The following TFB1M variants were observed in gnomAD, a reference collection of about 807,000 sequenced individuals.
TFB1M encodes transcription factor B1, mitochondrial, also known as dimethyladenosine transferase 1, mitochondrial.
Under a neutral mutation model 31.1 loss-of-function variants are expected in TFB1M, and 27 were observed. That is an observed-to-expected ratio of 0.87 (90% CI 0.64 to 1.20). The LOEUF is 1.20. Ranked by LOEUF, TFB1M falls within the 50% of genes most tolerant of loss-of-function variation. The probability of loss-of-function intolerance (pLI) is 0.00; values close to 1 mark genes in which losing one functional copy is unlikely to be tolerated. For missense variants in TFB1M, 394 were observed against 418.7 expected, an observed-to-expected ratio of 0.94 and a Z score of 0.51; for synonymous variants, 166 against 151.8, an observed-to-expected ratio of 1.09 and a Z score of -0.69.
At chr6:155,237,257 T>G in the TFB1M span, among the ~76,000 whole-genome samples, 36 of 152,372 alleles carry the variant, frequency 2.4e-4, 1 homozygote, top group East Asian at 1.9e-3. Context: ...TTTGACTCCA[T>G]GTCTCACATC....
At chr6:155,281,821 T>TA (rs34485998) in intron 5 of TFB1M, among the ~76,000 whole-genome samples, 63,741 of 150,032 alleles carry the variant, frequency 0.42, 14,321 homozygotes, top group Middle Eastern at 0.54. Context: ...CCATAATTCA[T>TA]AAAAAAAAAG....
chr6:155,290,125 G>A (rs865879487), intron 4 of TFB1M, among the ~76,000 whole-genome samples: 3 of 152,274 alleles, frequency 2.0e-5, no homozygotes, highest in Middle Eastern at 3.4e-3. Flanking sequence ...GGTGGCTCAC[G>A]CCTGTAATCC....
intron 5 of TFB1M, among the ~76,000 whole-genome samples, chr6:155,281,126 C>A (rs968211738): frequency 6.6e-6 from 1 of 152,108 alleles, no homozygotes; most frequent in African/African-American, 2.4e-5. Context: ...TTGTTTATAT[C>A]ATAACAATAA....
At chr6:155,274,967 C>T (rs1412284078) in intron 5 of TFB1M, among the ~76,000 whole-genome samples, 1 of 152,104 alleles carries the variant, frequency 6.6e-6, no homozygotes, top group Non-Finnish European at 1.5e-5. Flanking sequence ...GCCTGTAATC[C>T]CAGCACTTCG....
chr6:155,240,420 C>T, the TFB1M span: 4 of 1,185,134 alleles, frequency 3.4e-6, no homozygotes, highest in East Asian at 4.8e-5. Context: ...CACAGAGGCC[C>T]CTCTGAGATC....
chr6:155,252,850 C>T (rs1583291927), downstream of TFB1M: 22 of 1,113,154 alleles, frequency 2.0e-5, no homozygotes, highest in East Asian at 4.8e-5. Context: ...CTCGGAGACT[C>T]GCCCACAGGG....
rs1217317032 is a variant in TFB1M at position 155,281,721 on chromosome 6, C to CAAAA, written c.666+3433_666+3436dup. ...TGGGCGGCAGAGTGAGACTCTGTCTCAAAAAAAAAAAAAAAAAAAAAAAAA... is the reference window on the plus strand; with the variant it reads ...TGGGCGGCAGAGTGAGACTCTGTCTCAAAAAAAAAAAAAAAAAAAAAAAAAAAAA... On this transcript the variant is annotated intron_variant, in intron 5 of 6. Transcript: ENST00000367166. Among the ~76,000 whole-genome samples, 109 of 63,120 alleles carry CAAAA rather than the reference C, an allele frequency of 1.7e-3. 2 individuals carry two copies. The highest frequency in any genetic ancestry group is 6.3e-3 in the South Asian group (8 of 1,270). The allele number at this position is 63,120 out of a possible 152,430, so 41.4% of individuals were successfully genotyped here.
intron 4 of TFB1M, among the ~76,000 whole-genome samples, chr6:155,296,405 A>AC (rs969954438): frequency 6.2e-5 from 8 of 128,776 alleles, no homozygotes; most frequent in Admixed American, 8.1e-5. Context: ...GATTACAGGC[A>AC]CCCCCCACCA....
At chr6:155,233,293 A>C in the TFB1M span, among the ~76,000 whole-genome samples, 1 of 152,244 alleles carries the variant, frequency 6.6e-6, no homozygotes, top group African/African-American at 2.4e-5. Flanking sequence ...TGTTGTGATC[A>C]AGGGAACAGA....
chr6:155,241,842 T>C, the TFB1M span, among the ~76,000 whole-genome samples: 147 of 152,340 alleles, frequency 9.6e-4, no homozygotes, highest in African/African-American at 3.4e-3. Flanking sequence ...GTCACCTTTT[T>C]CCAAGTCGCT....
intron 5 of TFB1M, among the ~76,000 whole-genome samples, chr6:155,273,265 G>A (rs1785025499): frequency 6.6e-6 from 1 of 152,190 alleles, no homozygotes; most frequent in African/African-American, 2.4e-5. Flanking sequence ...GCACACTGAT[G>A]TCTACAGATA....
chr6:155,240,148 T>G, the TFB1M span, among the ~76,000 whole-genome samples: 1 of 152,202 alleles, frequency 6.6e-6, no homozygotes, highest in Non-Finnish European at 1.5e-5. Context: ...GGGGACTGGG[T>G]GGGCCTGTTG....
the TFB1M span, among the ~76,000 whole-genome samples, chr6:155,242,770 C>G: frequency 6.6e-6 from 1 of 152,176 alleles, no homozygotes; most frequent in Non-Finnish European, 1.5e-5. Flanking sequence ...GAGTCTCGCT[C>G]TGTCACCCAG....
At chr6:155,233,280 AGTT>A in the TFB1M span, among the ~76,000 whole-genome samples, 14 of 152,350 alleles carry the variant, frequency 9.2e-5, no homozygotes, top group East Asian at 2.5e-3. Flanking sequence ...AGAATATCAA[AGTT>A]GTTGTGATCA....
chr6:155,300,978 T>C (rs551257790), intron 2 of TFB1M, among the ~76,000 whole-genome samples: 1 of 152,096 alleles, frequency 6.6e-6, no homozygotes, highest in Non-Finnish European at 1.5e-5. Flanking sequence ...CTAATTTTTG[T>C]ATTTTTAGTA....
At chr6:155,251,262 C>T (rs1051229491), downstream of TFB1M, among the ~76,000 whole-genome samples, 3 of 152,162 alleles carry the variant, frequency 2.0e-5, no homozygotes, top group Admixed American at 2.0e-4. Context: ...CAGATCCCTG[C>T]GGCTATTTTG....
rs1006895357 is a variant in TFB1M at position 155,314,466 on chromosome 6, G to A, written c.-38C>T. The A allele has an allele frequency of 1.9e-6, 3 of 1,612,882 alleles. No homozygotes were observed. The highest frequency in any genetic ancestry group is 2.2e-5 in the East Asian group (1 of 44,880). On this transcript the variant is annotated 5_prime_UTR_variant, in exon 1 of 7. Coordinates refer to ENST00000367166, the MANE Select transcript of TFB1M (RefSeq NM_016020.4). ...GCACCATCCAACCCTACCTCACCCA[G>A]GACCTTCACCGCCGCTCCGAAAGAA...
Position 155,260,213 on chromosome 6 carries a change from T to A in TFB1M, c.794+60A>T, listed in dbSNP as rs1392557210. ...ATAGAGCAAACAAGGTTCTCACTCT[T>A]AAAAAGTGCCTGAGGATTTTATAAA... On this transcript the variant is annotated intron_variant, in intron 6 of 6. Coordinates refer to ENST00000367166, the MANE Select transcript of TFB1M (RefSeq NM_016020.4). The A allele has an allele frequency of 4.4e-5, 70 of 1,597,510 alleles. 1 individual carries two copies. In the Middle Eastern group the frequency reaches 8.3e-4, roughly 19 times the overall value.
downstream of TFB1M, among the ~76,000 whole-genome samples, chr6:155,251,716 A>T (rs1231704936): frequency 6.6e-6 from 1 of 152,262 alleles, no homozygotes; most frequent in Non-Finnish European, 1.5e-5. Flanking sequence ...CAAAGAGTTT[A>T]AAAAAGCCAA....
Sources: allele counts gnomAD v4.1 joint callset (sites outside exome capture counted in the v4.1 genomes callset), GRCh38; gene constraint gnomAD v4.1.1; transcripts MANE v1.5; gene names NCBI Gene and HGNC (gene_info 2026-07-23, HGNC 2026-07-21).